OR5AS1: variants seen among roughly 807,000 people sequenced by gnomAD.
OR5AS1 encodes the protein olfactory receptor 5AS1.
For missense variants in OR5AS1, 492 were observed against 378.2 expected, an observed-to-expected ratio of 1.30 and a Z score of -2.50; for synonymous variants, 196 against 141.7, an observed-to-expected ratio of 1.38 and a Z score of -2.72.
rs1343921488 is a variant in OR5AS1 at position 56,037,104 on chromosome 11, A to G, written c.*5711A>G. On this transcript the variant is annotated 3_prime_UTR_variant, in exon 2 of 2. Transcript: ENST00000641320. ...AACTCTCAATAAACTAGGTATTGAC[A>G]AACATATCTCCAAATAATAAGAGCT... The G allele has an allele frequency of 2.0e-5, 3 of 151,816 alleles. No individual in the cohort carries two copies. Among genetic ancestry groups the G allele is most frequent in the Admixed American group, 6.6e-5 (1 of 15,210 alleles). The allele number at this position is 151,816 out of a possible 1,614,324, so 9.4% of individuals were successfully genotyped here. A position where few individuals can be genotyped will look rare whatever the true frequency, so the allele number is the denominator to read the frequency against.
rs1212602973 is a variant in OR5AS1, at chr11:56,037,422, A to G, written c.*6029A>G. 1.3e-5 allele frequency: 2 copies of G among 152,176 alleles called. No individual in the cohort carries two copies. The highest frequency in any genetic ancestry group is 4.8e-5 in the African/African-American group (2 of 41,398). The allele number at this position is 152,176 out of a possible 1,614,324, so 9.4% of individuals were successfully genotyped here. A position where few individuals can be genotyped will look rare whatever the true frequency, so the allele number is the denominator to read the frequency against. ...TAAGCAACTTCAGCAAAATGTCAGG[A>G]TACAAAATCAATGTGCAAAAATCAC... On this transcript the variant is annotated 3_prime_UTR_variant, in exon 2 of 2. Transcript: ENST00000641320.
chr11:56,030,590 C>T lies in OR5AS1; in HGVS notation c.172C>T (p.Pro58Ser). 1 of 1,545,088 alleles carries T rather than the reference C, an allele frequency of 6.5e-7. No individual in the cohort carries two copies. The highest frequency in any genetic ancestry group is 8.7e-7 in the Non-Finnish European group (1 of 1,146,824). ...TAATATTAATTCAAGCCTTCAAATT[C>T]CCATGTATTATTTTCTTAGCAACTT... ...LVNINSSLQI[P>S]MYYFLSNLSF... Residue 58 changes from proline (P) to serine (S), a missense_variant, in exon 2 of 2, where the codon CCC becomes TCC. Transcript: ENST00000641320.
rs1590708848 is a variant in OR5AS1 at position 56,036,682 on chromosome 11, A to G, written c.*5289A>G. ...AATAGTCCAGGACCAGCCAAATTCT[A>G]CCAGACATACAAAGAGGAGCTGGTA... On this transcript the variant is annotated 3_prime_UTR_variant, in exon 2 of 2. Coordinates refer to ENST00000641320, the MANE Select transcript of OR5AS1 (RefSeq NM_001001921.2). 6.6e-6 allele frequency: 1 copy of G among 151,918 alleles called. No individual in the cohort carries two copies. Among genetic ancestry groups the G allele is most frequent in the South Asian group, 2.1e-4 (1 of 4,810 alleles). 9.4% of individuals were successfully genotyped at this position (151,918 alleles called of 1,614,324 possible). A position where few individuals can be genotyped will look rare whatever the true frequency, so the allele number is the denominator to read the frequency against.
chr11:56,035,715 C>T lies in OR5AS1; in HGVS notation c.*4322C>T, dbSNP rs1356891690. On this transcript the variant is annotated 3_prime_UTR_variant, in exon 2 of 2. Transcript: ENST00000641320. ...GGAGACTTTAACACCCCACAGTCAA[C>T]ATTAGACAGACCAAGACAGAAAATT... 21 of 152,068 alleles carry T rather than the reference C, an allele frequency of 1.4e-4. 1 individual carries two copies. The highest frequency in any genetic ancestry group is 5.1e-4 in the African/African-American group (21 of 41,386). The allele number at this position is 152,068 out of a possible 1,614,324, so 9.4% of individuals were successfully genotyped here.
rs1853413574 is a variant in OR5AS1, at chr11:56,037,073, G to C, written c.*5680G>C. On this transcript the variant is annotated 3_prime_UTR_variant, in exon 2 of 2. Transcript: ENST00000641320. ...TTTGATAAAATTCAACACCCTTCGT[G>C]CTAAAAACTCTCAATAAACTAGGTA... 6.6e-6 allele frequency: 1 copy of C among 152,044 alleles called. No homozygotes were observed. The highest frequency in any genetic ancestry group is 1.5e-5 in the Non-Finnish European group (1 of 68,026). 9.4% of individuals were successfully genotyped at this position (152,044 alleles called of 1,614,324 possible). A position where few individuals can be genotyped will look rare whatever the true frequency, so the allele number is the denominator to read the frequency against.
chr11:56,036,274 C>T lies in OR5AS1; in HGVS notation c.*4881C>T, dbSNP rs1007225901. On this transcript the variant is annotated 3_prime_UTR_variant, in exon 2 of 2. Coordinates refer to ENST00000641320, the MANE Select transcript of OR5AS1 (RefSeq NM_001001921.2). ...AAAAGCCTCAGAAGACAAGAAATAA[C>T]TAAGATCAGAGCAGAACTGAAGGAG... is the stretch of plus-strand genomic sequence containing the variant. 6.6e-6 allele frequency: 1 copy of T among 151,920 alleles called. No homozygotes were observed. The highest frequency in any genetic ancestry group is 2.1e-4 in the South Asian group (1 of 4,826). 9.4% of individuals were successfully genotyped at this position (151,920 alleles called of 1,614,324 possible). A position where few individuals can be genotyped will look rare whatever the true frequency, so the allele number is the denominator to read the frequency against.
chr11:56,028,919 C>T (rs1853320766), intron 1 of OR5AS1, among the ~76,000 whole-genome samples: 1 of 151,944 alleles, frequency 6.6e-6, no homozygotes. Context: ...AATATACATC[C>T]AGTTGTGAGG....
Position 56,031,129 on chromosome 11 carries a change from A to C in OR5AS1, c.711A>C (p.Thr237=), listed in dbSNP as rs1280803053. 6 of 1,613,926 alleles carry C rather than the reference A, an allele frequency of 3.7e-6. No individual in the cohort carries two copies. The highest frequency in any genetic ancestry group is 4.2e-6 in the Non-Finnish European group (5 of 1,180,018). ...AGTCCTCAGGTGGCAGAAGCAAAAC[A>C]TTCTCCACTTGTGCTTCCCACCTCA... is the stretch of plus-strand genomic sequence containing the variant. The part of the protein sequence containing the change: ...SIKSSGGRSK[T]FSTCASHLIA... Residue 237 remains threonine (T), a synonymous_variant, in exon 2 of 2, where the codon ACA becomes ACC. Transcript: ENST00000641320.
At position 56,035,220 on chromosome 11, in the gene OR5AS1, A is replaced by C. The variant is rs889412256; in HGVS notation, c.*3827A>C. 1 of 152,204 alleles carries C rather than the reference A, an allele frequency of 6.6e-6. No individual in the cohort carries two copies. The highest frequency in any genetic ancestry group is 1.9e-4 in the East Asian group (1 of 5,186). The allele number at this position is 152,204 out of a possible 1,614,324, so 9.4% of individuals were successfully genotyped here. On this transcript the variant is annotated 3_prime_UTR_variant, in exon 2 of 2. Coordinates refer to ENST00000641320, the MANE Select transcript of OR5AS1 (RefSeq NM_001001921.2). Reference sequence around the variant, plus strand: ...AGAAACCACATCAGCTAATGGGCAAAATAACCAGCTAGCATCATAATGACA... The same window carrying C: ...AGAAACCACATCAGCTAATGGGCAACATAACCAGCTAGCATCATAATGACA...
At chr11:56,027,888 C>T (rs1853312120) in intron 1 of OR5AS1, among the ~76,000 whole-genome samples, 176 bp downstream of exon 1, 1 of 151,228 alleles carries the variant, frequency 6.6e-6, no homozygotes, top group African/African-American at 2.4e-5. Context: ...ACGGTGGTAG[C>T]ATAGACCTAA....
In OR5AS1 at chr11:56,037,978, C is replaced by G. The variant is rs1320135122; in HGVS notation, c.*6585C>G. On this transcript the variant is annotated 3_prime_UTR_variant, in exon 2 of 2. Coordinates refer to ENST00000641320, the MANE Select transcript of OR5AS1 (RefSeq NM_001001921.2). ...ACAAATAACACCACACATCTACAACCATCTGATCTTTGACAAACCTGACAA... is the reference window on the plus strand; with the variant it reads ...ACAAATAACACCACACATCTACAACGATCTGATCTTTGACAAACCTGACAA... 6.6e-6 allele frequency: 1 copy of G among 152,076 alleles called. No homozygotes were observed. The highest frequency in any genetic ancestry group is 1.5e-5 in the Non-Finnish European group (1 of 68,032). 9.4% of individuals were successfully genotyped at this position (152,076 alleles called of 1,614,324 possible). A position where few individuals can be genotyped will look rare whatever the true frequency, so the allele number is the denominator to read the frequency against.
chr11:56,033,731 C>T lies in OR5AS1; in HGVS notation c.*2338C>T, dbSNP rs1197742947. ...AGATTTAAATGTCCCTGCCTGCTGG[C>T]TCTAAGGAGAGCAGCATACCTCCCA... On this transcript the variant is annotated 3_prime_UTR_variant, in exon 2 of 2. Coordinates refer to ENST00000641320, the MANE Select transcript of OR5AS1 (RefSeq NM_001001921.2). 1.3e-5 allele frequency: 2 copies of T among 152,246 alleles called. No homozygotes were observed. The highest frequency in any genetic ancestry group is 4.8e-5 in the African/African-American group (2 of 41,390). The allele number at this position is 152,246 out of a possible 1,614,324, so 9.4% of individuals were successfully genotyped here. A position where few individuals can be genotyped will look rare whatever the true frequency, so the allele number is the denominator to read the frequency against.
At position 56,030,505 on chromosome 11, in the gene OR5AS1, G is replaced by C. The variant is rs754876231; in HGVS notation, c.87G>C (p.Leu29Phe). 1 of 1,541,922 alleles carries C rather than the reference G, an allele frequency of 6.5e-7. No individual in the cohort carries two copies. The highest frequency in any genetic ancestry group is 8.8e-7 in the Non-Finnish European group (1 of 1,142,102). Residue 29 changes from leucine (L) to phenylalanine (F), a missense_variant, in exon 2 of 2, where the codon TTG becomes TTC. Transcript: ENST00000641320. ...DYLPLRVTLF[L>F]VFLLVYTLTM... is the part of the protein sequence containing the mutation. ...TACCTCTCAGAGTCACACTGTTCTT[G>C]GTATTCCTTCTGGTATATACATTAA...
In OR5AS1 at chr11:56,035,107, C is replaced by T. The variant is rs1223451531; in HGVS notation, c.*3714C>T. The T allele has an allele frequency of 6.6e-6, 1 of 152,150 alleles. No individual in the cohort carries two copies. Among genetic ancestry groups the T allele is most frequent in the African/African-American group, 2.4e-5 (1 of 41,420 alleles). 9.4% of individuals were successfully genotyped at this position (152,150 alleles called of 1,614,324 possible). On this transcript the variant is annotated 3_prime_UTR_variant, in exon 2 of 2. Transcript: ENST00000641320. ...CACCACCAGGCCTGCTTTACAAGAG[C>T]TCCTGAAGGAAGCACTAAACATGGA...
intron 1 of OR5AS1, among the ~76,000 whole-genome samples, chr11:56,027,942 A>G (rs1341360760): frequency 6.6e-6 from 1 of 151,998 alleles, no homozygotes; most frequent in Non-Finnish European, 1.5e-5. Context: ...TGTCACGCCC[A>G]ATTCGTTGTG....
At chr11:56,029,437 A>T (rs1355297704) in intron 1 of OR5AS1, among the ~76,000 whole-genome samples, 2 of 152,022 alleles carry the variant, frequency 1.3e-5, no homozygotes, top group Non-Finnish European at 2.9e-5. Flanking sequence ...CTTACTTCAG[A>T]GATTAGAAAG....
chr11:56,037,010 A>G lies in OR5AS1; in HGVS notation c.*5617A>G, dbSNP rs1853412722. On this transcript the variant is annotated 3_prime_UTR_variant, in exon 2 of 2. Transcript: ENST00000641320. ...CCATCTCATAAACAGAACCAATGACAAAAGCACATGTTTATCTCAACAGAT... is the reference window on the plus strand; with the variant it reads ...CCATCTCATAAACAGAACCAATGACGAAAGCACATGTTTATCTCAACAGAT... 6.6e-6 allele frequency: 1 copy of G among 152,150 alleles called. No homozygotes were observed. Among genetic ancestry groups the G allele is most frequent in the Non-Finnish European group, 1.5e-5 (1 of 68,032 alleles). 9.4% of individuals were successfully genotyped at this position (152,150 alleles called of 1,614,324 possible).
rs181550495 is a variant in OR5AS1 at position 56,037,240 on chromosome 11, A to C, written c.*5847A>C. ...CCCTCTCTCACCACTCCTATTCAAC[A>C]TAGTATTGAAAGTGCTGGCCAGGGC... On this transcript the variant is annotated 3_prime_UTR_variant, in exon 2 of 2. Transcript: ENST00000641320. 3 of 152,254 alleles carry C rather than the reference A, an allele frequency of 2.0e-5. No homozygotes were observed. The East Asian group carries it at 5.8e-4, about 29-fold the overall frequency. 9.4% of individuals were successfully genotyped at this position (152,254 alleles called of 1,614,324 possible).
Position 56,030,943 on chromosome 11 carries a change from T to C in OR5AS1, c.525T>C (p.Asn175=), listed in dbSNP as rs1266616902. 3 of 1,614,166 alleles carry C rather than the reference T, an allele frequency of 1.9e-6. No individual in the cohort carries two copies. Among genetic ancestry groups the C allele is most frequent in the Non-Finnish European group, 1.7e-6 (2 of 1,180,018 alleles). ...CATTTTGTGGCTCCAATATCGTCAA[T>C]CATTTTTTCTGTGATATCCCACCTC... ...RLSFCGSNIV[N]HFFCDIPPLL... Residue 175 remains asparagine, a synonymous_variant, in exon 2 of 2, where the codon AAT becomes AAC. Transcript: ENST00000641320.
Sources: gnomAD v4.1 joint callset for allele counts (sites outside exome capture counted in the v4.1 genomes callset) on GRCh38, gnomAD v4.1.1 for gene constraint, MANE v1.5 for transcripts, NCBI Gene and HGNC (gene_info 2026-07-23, HGNC 2026-07-21) for gene names.